KCMF1: variants seen among roughly 807,000 people sequenced by gnomAD.
KCMF1 encodes the protein E3 ubiquitin-protein ligase KCMF1.
A neutral mutation model predicts 41.1 loss-of-function variants in KCMF1; 3 were observed. That is an observed-to-expected ratio of 0.07 (90% CI 0.03 to 0.19). The LOEUF (loss-of-function observed/expected upper bound fraction) is 0.19, where lower values mean the gene tolerates loss of function less well. Among genes scored for constraint, KCMF1 ranks in the 10% least tolerant of loss-of-function variants. KCMF1 has a pLI of 1.00. For synonymous variants in KCMF1, 142 were observed against 164.5 expected, an observed-to-expected ratio of 0.86 and a Z score of 1.04; for missense variants, 286 against 488.9, an observed-to-expected ratio of 0.58 and a Z score of 3.91.
chr2:85,047,571 A>C (rs187187026), intron 5 of KCMF1, among the ~76,000 whole-genome samples: 11 of 151,570 alleles, frequency 7.3e-5, no homozygotes, highest in Admixed American at 5.2e-4. Flanking sequence ...TGAAAGGTAC[A>C]TGTTTAATAG....
intron 1 of KCMF1, among the ~76,000 whole-genome samples, chr2:84,982,389 CTTTTTTTTTTTTTTTTTTTT>C (rs34687477): frequency 0.033 from 1,569 of 47,470 alleles, 86 homozygotes; most frequent in African/African-American, 0.13. Flanking sequence ...TCCTTATTTT[CTTTTTTTTTTTTTTTTTTTT>C]TTTTTTTTTT....
At chr2:85,040,243 A>G (rs999097259) in intron 3 of KCMF1, among the ~76,000 whole-genome samples, 3 of 152,200 alleles carry the variant, frequency 2.0e-5, no homozygotes, top group Non-Finnish European at 4.4e-5. Flanking sequence ...TGAATAATAG[A>G]TATTACTCTA....
chr2:85,037,329 T>C (rs961470985), intron 3 of KCMF1, among the ~76,000 whole-genome samples: 1 of 152,164 alleles, frequency 6.6e-6, no homozygotes, highest in African/African-American at 2.4e-5. Context: ...GATAAGAATC[T>C]TTAATATAAA....
intron 1 of KCMF1, among the ~76,000 whole-genome samples, chr2:85,004,355 C>G (rs1285638921): frequency 6.6e-6 from 1 of 151,856 alleles, no homozygotes; most frequent in African/African-American, 2.4e-5. Flanking sequence ...ACTAAAAGTA[C>G]AAAAAATTAG....
intron 1 of KCMF1, chr2:85,014,165 A>G (rs1415743571): frequency 6.6e-6 from 1 of 152,216 alleles, no homozygotes; most frequent in Non-Finnish European, 1.5e-5. Context: ...CTGAAAATAA[A>G]TATCTGTAAG....
At chr2:85,012,358 A>G (rs190802790) in intron 1 of KCMF1, among the ~76,000 whole-genome samples, 69 of 152,320 alleles carry the variant, frequency 4.5e-4, no homozygotes, top group Admixed American at 1.7e-3. Flanking sequence ...TGCATTGTTA[A>G]TGAATATTAA....
intron 1 of KCMF1, among the ~76,000 whole-genome samples, chr2:84,978,613 C>G (rs1207034080): frequency 4.0e-5 from 6 of 151,376 alleles, no homozygotes; most frequent in Non-Finnish European, 8.8e-5. Context: ...GTGGCATGAT[C>G]TCGGCTCACT....
intron 1 of KCMF1, among the ~76,000 whole-genome samples, chr2:85,024,379 A>G (rs1186597718): frequency 6.6e-6 from 1 of 152,168 alleles, no homozygotes; most frequent in African/African-American, 2.4e-5. Context: ...AGGCTGAGGC[A>G]GGAGAATTGC....
At chr2:85,029,319 C>T (rs373896428) in intron 2 of KCMF1, among the ~76,000 whole-genome samples, 14 of 151,986 alleles carry the variant, frequency 9.2e-5, no homozygotes, top group African/African-American at 2.9e-4. Context: ...TGGTGGCTAA[C>T]GCCTGTAATC....
intron 3 of KCMF1, among the ~76,000 whole-genome samples, chr2:85,038,856 G>C (rs1223903940): frequency 6.6e-6 from 1 of 152,052 alleles, no homozygotes; most frequent in Non-Finnish European, 1.5e-5. Flanking sequence ...TTGTACCCCA[G>C]TTTGAAGAAA....
chr2:85,032,756 C>T (rs1486108536), intron 2 of KCMF1, among the ~76,000 whole-genome samples: 1 of 152,160 alleles, frequency 6.6e-6, no homozygotes, highest in Non-Finnish European at 1.5e-5. Context: ...AAGTGATTCA[C>T]CCACTTCGCT....
At chr2:85,015,859 AC>A (rs1377920825) in intron 1 of KCMF1, among the ~76,000 whole-genome samples, 1 of 152,182 alleles carries the variant, frequency 6.6e-6, no homozygotes, top group African/African-American at 2.4e-5. Flanking sequence ...CTATTAAACC[AC>A]TAGAGGGACG....
At chr2:85,008,409 T>TA in intron 1 of KCMF1, among the ~76,000 whole-genome samples, 1 of 127,318 alleles carries the variant, frequency 7.9e-6, no homozygotes, top group Middle Eastern at 4.0e-3. Flanking sequence ...ATATATCATA[T>TA]TATATATTAT....
chr2:85,030,299 T>G (rs576687367), intron 2 of KCMF1, among the ~76,000 whole-genome samples: 34 of 152,332 alleles, frequency 2.2e-4, no homozygotes, highest in Admixed American at 2.0e-3. Flanking sequence ...GTGTTTTCAC[T>G]TTCTTGGTGG....
chr2:85,012,718 T>G (rs59037930), intron 1 of KCMF1, among the ~76,000 whole-genome samples: 3,735 of 152,354 alleles, frequency 0.025, 153 homozygotes, highest in African/African-American at 0.085. Flanking sequence ...TAGAGTATTC[T>G]CTATACTTTG....
intron 3 of KCMF1, among the ~76,000 whole-genome samples, chr2:85,041,498 T>G (rs1047785452): frequency 6.6e-6 from 1 of 152,210 alleles, no homozygotes; most frequent in Non-Finnish European, 1.5e-5. Context: ...TACTGAAGCC[T>G]TTGCAGCTAT....
chr2:85,022,338 G>C (rs781211358), intron 1 of KCMF1, among the ~76,000 whole-genome samples: 21 of 152,038 alleles, frequency 1.4e-4, no homozygotes, highest in Non-Finnish European at 2.5e-4. Flanking sequence ...TGCGGGCATG[G>C]TGGCGCACAC....
chr2:84,980,573 C>T (rs934031416), intron 1 of KCMF1, among the ~76,000 whole-genome samples: 1 of 152,038 alleles, frequency 6.6e-6, no homozygotes, highest in Admixed American at 6.6e-5. Context: ...GTTGTTGGCT[C>T]TCTGAGTTGT....
chr2:84,971,534 G>A (rs1573997853), intron 1 of KCMF1, 67 bp downstream of exon 1: 1 of 923,724 alleles, frequency 1.1e-6, no homozygotes, highest in South Asian at 4.3e-5. Flanking sequence ...GGCCGGGCGC[G>A]GCGGAGGGCG....
Sources: allele counts gnomAD v4.1 joint callset (sites outside exome capture counted in the v4.1 genomes callset), GRCh38; gene constraint gnomAD v4.1.1; transcripts MANE v1.5; gene names NCBI Gene and HGNC (gene_info 2026-07-23, HGNC 2026-07-21).